BBX: variants seen among roughly 807,000 people sequenced by gnomAD.
BBX encodes the protein BBX high mobility group box domain containing, also known as HMG box transcription factor BBX.
In BBX, 30 loss-of-function variants were observed where a neutral mutation model predicts 100.2. The ratio of observed to expected loss-of-function variants is 0.30; its 90% CI spans 0.22 to 0.41. The LOEUF (loss-of-function observed/expected upper bound fraction) is 0.41. BBX is among the 10% of genes least tolerant of loss of function. BBX has a pLI of 1.00. For missense variants in BBX, 1,023 were observed against 1,129.8 expected, an observed-to-expected ratio of 0.91 and a Z score of 1.35; for synonymous variants, 376 against 388.1, an observed-to-expected ratio of 0.97 and a Z score of 0.37.
chr3:107,768,237 G>A (rs751298600), intron 10 of BBX, among the ~76,000 whole-genome samples: 1 of 152,098 alleles, frequency 6.6e-6, no homozygotes, highest in Non-Finnish European at 1.5e-5. Flanking sequence ...TACAAAAGCC[G>A]ACCTCATTTT....
intron 2 of BBX, among the ~76,000 whole-genome samples, chr3:107,607,848 A>T (rs1403766833): frequency 6.6e-6 from 1 of 152,194 alleles, no homozygotes. Flanking sequence ...TGCTGTTTGT[A>T]TGTCTTCTTT....
Position 107,798,561 on chromosome 3 carries a change from C to G in BBX, c.2392C>G (p.His798Asp), listed in dbSNP as rs2070015433. Residue 798 changes from histidine (H) to aspartate (D), a missense_variant, in exon 16 of 18, where the codon CAT (histidine) becomes GAT (aspartate). Physicochemically the swap from His to Asp is moderately conservative, Grantham distance 81 (BLOSUM62 -1). Around this residue, in one of 9 missense-constraint regions of BBX, gnomAD observed 215 missense variants for 211.3 expected, o/e 1.02. Coordinates refer to ENST00000325805, the MANE Select transcript of BBX (RefSeq NM_001142568.3). Reference sequence around the variant, plus strand: ...AGACAGAAACACCATGGAGCCTGTTCATAAGGTTAAAAATATCCCATCCAT... The same window carrying G: ...AGACAGAAACACCATGGAGCCTGTTGATAAGGTTAAAAATATCCCATCCAT... ...SEDRNTMEPV[H>D]KVKNIPSIFN... 2 of 1,614,002 alleles carry G rather than the reference C, an allele frequency of 1.2e-6. No homozygotes were observed. Among genetic ancestry groups the G allele is most frequent in the African/African-American group, 1.3e-5 (1 of 74,996 alleles).
chr3:107,614,502 A>G (rs1369902849), intron 2 of BBX, among the ~76,000 whole-genome samples: 5 of 152,098 alleles, frequency 3.3e-5, no homozygotes, highest in African/African-American at 1.2e-4. Flanking sequence ...ACTTATGTAT[A>G]TAAATAGAAT....
At chr3:107,694,029 T>C (rs1363851897) in intron 3 of BBX, among the ~76,000 whole-genome samples, 8 of 146,790 alleles carry the variant, frequency 5.4e-5, no homozygotes, top group Non-Finnish European at 1.0e-4. Flanking sequence ...GCTTGTGATT[T>C]TTGTACATTG....
intron 9 of BBX, among the ~76,000 whole-genome samples, chr3:107,750,970 C>T (rs912993684): frequency 2.0e-5 from 3 of 152,298 alleles, no homozygotes; most frequent in Middle Eastern, 3.4e-3. Context: ...TGCTGGGCCC[C>T]GCCACCAAAG....
chr3:107,692,792 G>A (rs564857031), intron 3 of BBX, among the ~76,000 whole-genome samples: 72 of 150,012 alleles, frequency 4.8e-4, no homozygotes, highest in Admixed American at 2.7e-3. Context: ...CACAATGGTT[G>A]AACTAGTTTA....
rs150590215 is a variant in BBX at position 107,543,269 on chromosome 3, A to T, written c.-84+16871A>T. Among the ~76,000 whole-genome samples the T allele has an allele frequency of 5.9e-3, 903 of 152,308 alleles. 10 individuals are homozygous for T. The highest frequency in any genetic ancestry group is 0.021 in the African/African-American group (861 of 41,562). On this transcript the variant is annotated intron_variant, in intron 2 of 17. Transcript: ENST00000325805. Reference sequence around the variant, plus strand: ...AGATTAAGAAACTAGGACCCAGGCCATTTGAGTGGCAGAGGTGGAACTGAG... The same window carrying T: ...AGATTAAGAAACTAGGACCCAGGCCTTTTGAGTGGCAGAGGTGGAACTGAG...
chr3:107,563,432 T>C (rs2107484387), intron 2 of BBX, among the ~76,000 whole-genome samples: 1 of 152,322 alleles, frequency 6.6e-6, no homozygotes, highest in Admixed American at 6.5e-5. Flanking sequence ...TGGTCAGTCA[T>C]TGCTGGGTTT....
chr3:107,739,918 T>G (rs2063938184), intron 7 of BBX, among the ~76,000 whole-genome samples: 1 of 151,970 alleles, frequency 6.6e-6, no homozygotes, highest in South Asian at 2.1e-4. Context: ...TGGCCTGGAG[T>G]CTGTTCTGGA....
chr3:107,582,490 T>C (rs2052359777), intron 2 of BBX, among the ~76,000 whole-genome samples: 2 of 152,196 alleles, frequency 1.3e-5, no homozygotes, highest in East Asian at 1.9e-4. Flanking sequence ...AGCCAAACTA[T>C]TGATACTAAT....
chr3:107,754,165 T>C (rs181497642), intron 9 of BBX, among the ~76,000 whole-genome samples: 4 of 152,334 alleles, frequency 2.6e-5, no homozygotes. Context: ...AAAGGCCATA[T>C]TCTTTCTATT....
intron 5 of BBX, among the ~76,000 whole-genome samples, chr3:107,725,103 C>T (rs200878264): frequency 6.6e-6 from 1 of 151,592 alleles, no homozygotes; most frequent in African/African-American, 2.4e-5. Context: ...ATTTGTAGTT[C>T]TCCTTGAAGA....
At position 107,805,482 on chromosome 3, in the gene BBX, G is replaced by A; in HGVS notation, c.*25G>A. On this transcript the variant is annotated 3_prime_UTR_variant, in exon 18 of 18. Coordinates refer to ENST00000325805, the MANE Select transcript of BBX (RefSeq NM_001142568.3). ...AAGCGCCCTTTCATTGTAAAACATTGTGCTTTACCTACTACCCTAGCCTTG... is the reference window on the plus strand; with the variant it reads ...AAGCGCCCTTTCATTGTAAAACATTATGCTTTACCTACTACCCTAGCCTTG... 1 of 1,614,050 alleles carries A rather than the reference G, an allele frequency of 6.2e-7. No homozygotes were observed.
chr3:107,635,321 T>A (rs1334979193), intron 2 of BBX, among the ~76,000 whole-genome samples: 1 of 152,220 alleles, frequency 6.6e-6, no homozygotes, highest in Non-Finnish European at 1.5e-5. Flanking sequence ...TTTGTTTAAT[T>A]TTTTCTGCTA....
chr3:107,679,249 A>G (rs2059448921), intron 3 of BBX, among the ~76,000 whole-genome samples: 1 of 152,144 alleles, frequency 6.6e-6, no homozygotes, highest in African/African-American at 2.4e-5. Context: ...TCTAGATAAT[A>G]GAGATTACAG....
At chr3:107,669,487 C>T (rs372893117) in intron 3 of BBX, among the ~76,000 whole-genome samples, 3 of 151,810 alleles carry the variant, frequency 2.0e-5, no homozygotes, top group African/African-American at 7.3e-5. Flanking sequence ...AAAAAAGATG[C>T]GGAATACCAA....
chr3:107,564,664 C>T (rs774028580), intron 2 of BBX, among the ~76,000 whole-genome samples: 19 of 152,094 alleles, frequency 1.2e-4, no homozygotes, highest in Non-Finnish European at 2.2e-4. Flanking sequence ...GCTTTTATCA[C>T]GTACAAATGT....
At chr3:107,732,831 T>G in intron 6 of BBX, 125 bp from the exon 7 acceptor site, 1 of 763,860 alleles carries the variant, frequency 1.3e-6, no homozygotes, top group Non-Finnish European at 2.1e-6. Context: ...TAAAAGTTTT[T>G]ATAAAAAGTT....
intron 12 of BBX, among the ~76,000 whole-genome samples, chr3:107,777,950 AGATT>A (rs1458657572): frequency 2.0e-5 from 3 of 152,136 alleles, no homozygotes; most frequent in Admixed American, 1.3e-4. Context: ...TAATTTAATA[AGATT>A]GATATTGATA....
Sources: gnomAD v4.1 joint callset for allele counts (sites outside exome capture counted in the v4.1 genomes callset) on GRCh38, gnomAD v4.1.1 for gene constraint, gnomAD v4.1.1 regional missense constraint, MANE v1.5 for transcripts, NCBI Gene and HGNC (gene_info 2026-07-23, HGNC 2026-07-21) for gene names.